The following GPRC5D variants were observed in gnomAD, a reference collection of about 807,000 sequenced individuals.
GPRC5D encodes G protein-coupled receptor family C group 5 member D.
Under a neutral mutation model 29.3 loss-of-function variants are expected in GPRC5D, and 20 were observed. The ratio of observed to expected loss-of-function variants is 0.68; its 90% CI spans 0.48 to 0.99. GPRC5D has a LOEUF of 0.99. GPRC5D is among the 50% of genes least tolerant of loss of function. The pLI, the probability that GPRC5D is intolerant of heterozygous loss-of-function variation, is 0.00. For missense variants in GPRC5D, 384 were observed against 423.6 expected (o/e 0.91, Z 0.82); for synonymous variants, 178 against 171.3 (o/e 1.04, Z -0.30).
At chr12:12,952,023 A>G (rs1240659633), upstream of GPRC5D, 1 of 151,872 alleles carries the variant, frequency 6.6e-6, no homozygotes, top group Non-Finnish European at 1.5e-5. Flanking sequence ...CCTTAGCTCT[A>G]CTTCCCTTCA....
intron 1 of GPRC5D, chr12:12,947,335 G>A (rs943046438): frequency 1.3e-5 from 2 of 152,066 alleles, no homozygotes; most frequent in African/African-American, 4.8e-5. Context: ...AACCTATTTC[G>A]TATCTATTTG....
Position 12,944,832 on chromosome 12 carries a change from TC to T in GPRC5D, c.896-2505del, listed in dbSNP as rs1265209802. On this transcript the variant is annotated intron_variant, in intron 1 of 2. Transcript: ENST00000228887. ...TTCCTTCCTTCCTTCCTTCCTTCCT[TC>T]CTTCCTTCCTTCCTTCCTTCTTTCT... Among the ~76,000 whole-genome samples the T allele has an allele frequency of 6.3e-4, 18 of 28,704 alleles. 1 individual carries two copies. Among genetic ancestry groups the T allele is most frequent in the African/African-American group, 1.3e-3 (17 of 13,254 alleles). The allele number at this position is 28,704 out of a possible 152,430, so 18.8% of individuals were successfully genotyped here.
intron 1 of GPRC5D, among the ~76,000 whole-genome samples, chr12:12,945,609 A>G (rs2136497105): frequency 6.6e-6 from 1 of 152,354 alleles, no homozygotes; most frequent in South Asian, 2.1e-4. Flanking sequence ...TCATCAACTA[A>G]TTAATGAATA....
rs1565477284 is a variant in GPRC5D, at chr12:12,944,836, TCCTTCCTTCCTTCC to T, written c.896-2522_896-2509del. 4.2e-4 allele frequency among the ~76,000 whole-genome samples: 15 copies of T among 35,620 alleles called. 1 individual carries two copies. Among genetic ancestry groups the T allele is most frequent in the Middle Eastern group, 9.1e-3 (1 of 110 alleles). The allele number at this position is 35,620 out of a possible 152,430, so 23.4% of individuals were successfully genotyped here. ...TTCCTTCCTTCCTTCCTTCCTTCCT[TCCTTCCTTCCTTCC>T]TTCTTTCTTTCTTTCTTTCTTTCTT... On this transcript the variant is annotated intron_variant, in intron 1 of 2. Transcript: ENST00000228887.
rs56007826 is a variant in GPRC5D at position 12,944,939 on chromosome 12, C to T, written c.896-2611G>A. ...TCTTTCCCTTTCTTCCTTTTCTTCC[C>T]TTTCTTTCCTTTTCTTTCCTTTTCT... is the stretch of plus-strand genomic sequence containing the variant. On this transcript the variant is annotated intron_variant, in intron 1 of 2. Transcript: ENST00000228887. Among the ~76,000 whole-genome samples the T allele has an allele frequency of 6.6e-4, 83 of 124,914 alleles. 6 individuals are homozygous for T. Among genetic ancestry groups the T allele is most frequent in the South Asian group, 1.8e-3 (6 of 3,336 alleles). 81.9% of individuals were successfully genotyped at this position (124,914 alleles called of 152,430 possible).
intron 1 of GPRC5D, among the ~76,000 whole-genome samples, chr12:12,945,696 T>C (rs2136497191): frequency 6.6e-6 from 1 of 152,328 alleles, no homozygotes; most frequent in East Asian, 1.9e-4. Flanking sequence ...GAATTACATC[T>C]CTATTTTATT....
At chr12:12,943,887 T>C (rs1378339763) in intron 1 of GPRC5D, among the ~76,000 whole-genome samples, 1 of 152,200 alleles carries the variant, frequency 6.6e-6, no homozygotes, top group Non-Finnish European at 1.5e-5. Flanking sequence ...ATACTAAACC[T>C]GCACCACTGT....
At chr12:12,950,808 A>G (rs1026875523), upstream of GPRC5D, among the ~76,000 whole-genome samples, 1 of 151,514 alleles carries the variant, frequency 6.6e-6, no homozygotes, top group Non-Finnish European at 1.5e-5. Context: ...CTCTGTCTCA[A>G]AAAGCAAAAA....
intron 2 of GPRC5D, among the ~76,000 whole-genome samples, chr12:12,941,769 C>T (rs763623374): frequency 6.6e-6 from 1 of 152,204 alleles, no homozygotes. Context: ...TCCATCTGGG[C>T]ATCCAGATGA....
exon 1 of GPRC5D, chr12:12,950,162 C>G (rs756510677): frequency 6.2e-7 from 1 of 1,613,854 alleles, no homozygotes; most frequent in Non-Finnish European, 8.5e-7. Context: ...AAAGCGAGTC[C>G]GAAGAGCCCC....
At chr12:12,946,443 TCTC>T in intron 1 of GPRC5D, among the ~76,000 whole-genome samples, 1 of 150,380 alleles carries the variant, frequency 6.6e-6, no homozygotes, top group Non-Finnish European at 1.5e-5. Flanking sequence ...TCTTTCTCTC[TCTC>T]TCTCTCTCTT....
chr12:12,949,871 C>T (rs747349911), exon 1 of GPRC5D: 1 of 1,614,126 alleles, frequency 6.2e-7, no homozygotes. Context: ...ACCAGGAGTA[C>T]AACAAAGTCC....
intron 1 of GPRC5D, among the ~76,000 whole-genome samples, chr12:12,942,726 CTAAA>C (rs368014971): frequency 8.2e-4 from 125 of 152,088 alleles, no homozygotes; most frequent in African/African-American, 2.6e-3. Context: ...CACAGCGAGA[CTAAA>C]TAAATAAATA....
At chr12:12,942,314 C>T in exon 2 of GPRC5D, 11 of 1,612,406 alleles carry the variant, frequency 6.8e-6, no homozygotes, top group Non-Finnish European at 9.3e-6. Flanking sequence ...TCCTCAGCTC[C>T]ATCACTGTCT....
upstream of GPRC5D, among the ~76,000 whole-genome samples, chr12:12,950,908 C>CA (rs1303756476): frequency 6.6e-6 from 1 of 151,890 alleles, no homozygotes; most frequent in East Asian, 1.9e-4. Flanking sequence ...AGTTCAAGAC[C>CA]AGCCTGGCCA....
chr12:12,951,393 A>G (rs377455339), upstream of GPRC5D, among the ~76,000 whole-genome samples: 5 of 152,230 alleles, frequency 3.3e-5, no homozygotes, highest in African/African-American at 1.2e-4. Context: ...TCAGAGATAT[A>G]TGCAAACATA....
In GPRC5D at chr12:12,942,346, G is replaced by A; in HGVS notation, c.896-18C>T. 2 of 1,582,868 alleles carry A rather than the reference G, an allele frequency of 1.3e-6. No homozygotes were observed. Among genetic ancestry groups the A allele is most frequent in the South Asian group, 1.1e-5 (1 of 90,430 alleles). ...GTCTCGGGCTGAAAGCCAAAGGAGG[G>A]AAGGGCTGGGTTAGTGTCCGAGAGT... On this transcript the variant is annotated intron_variant, in intron 1 of 2. Transcript: ENST00000228887.
In GPRC5D at chr12:12,940,885, G is replaced by A. The variant is rs756318537; in HGVS notation, c.964-36C>T. On this transcript the variant is annotated intron_variant, in intron 2 of 2. Coordinates refer to ENST00000228887, the Ensembl canonical transcript of GPRC5D. ...AGAAATGCCATCATCAACTTTCTGA[G>A]CAACAAAAGAAATGATATTCTCCAA... The A allele has an allele frequency of 5.3e-6, 7 of 1,314,864 alleles. No individual in the cohort carries two copies. The South Asian group carries it at 8.2e-5, about 15-fold the overall frequency. The allele number at this position is 1,314,864 out of a possible 1,614,324, so 81.4% of individuals were successfully genotyped here.
At chr12:12,944,767 TC>T (rs1863233536) in intron 1 of GPRC5D, among the ~76,000 whole-genome samples, 1 of 38,222 alleles carries the variant, frequency 2.6e-5, no homozygotes, top group Middle Eastern at 0.018. Context: ...CTTTCTTCCT[TC>T]CTTTCTTCCT....
Sources: allele counts gnomAD v4.1 joint callset (sites outside exome capture counted in the v4.1 genomes callset), GRCh38; gene constraint gnomAD v4.1.1; transcripts MANE v1.5; gene names NCBI Gene and HGNC (gene_info 2026-07-23, HGNC 2026-07-21).